The following RAB3C variants were observed in gnomAD, a reference collection of about 807,000 sequenced individuals.
The protein encoded by RAB3C is RAB3C, member RAS oncogene family, also known as ras-related protein Rab-3C.
In RAB3C, 17 loss-of-function variants were observed where a neutral mutation model predicts 26.4. The ratio of observed to expected loss-of-function variants is 0.64; its 90% CI spans 0.44 to 0.97. The LOEUF is 0.97. RAB3C is among the 50% of genes least tolerant of loss of function. The probability of loss-of-function intolerance (pLI) is 0.00; values close to 1 mark genes in which losing one functional copy is unlikely to be tolerated. For missense variants in RAB3C, 242 were observed against 281.9 expected, an observed-to-expected ratio of 0.86 and a Z score of 1.01; for synonymous variants, 91 against 95.9, an observed-to-expected ratio of 0.95 and a Z score of 0.30.
At chr5:58,817,549 A>G (rs1163918301) in intron 3 of RAB3C, among the ~76,000 whole-genome samples, 1 of 152,042 alleles carries the variant, frequency 6.6e-6, no homozygotes, top group Non-Finnish European at 1.5e-5. Flanking sequence ...TTTATTTTGT[A>G]TATGTCTTTG....
At chr5:58,807,578 G>A (rs964358911) in intron 3 of RAB3C, among the ~76,000 whole-genome samples, 1 of 152,148 alleles carries the variant, frequency 6.6e-6, no homozygotes, top group Non-Finnish European at 1.5e-5. Context: ...TTCCTGGTTT[G>A]CAGAGAAATG....
intron 2 of RAB3C, among the ~76,000 whole-genome samples, chr5:58,697,620 A>G (rs577261659): frequency 3.3e-5 from 5 of 152,300 alleles, no homozygotes; most frequent in Admixed American, 2.0e-4. Flanking sequence ...TATTGGGTGC[A>G]TATATATTTA....
rs1744273458 is a variant in RAB3C, at chr5:58,856,952, G to A, written c.*5601G>A. On this transcript the variant is annotated 3_prime_UTR_variant, in exon 5 of 5. Coordinates refer to ENST00000282878, the MANE Select transcript of RAB3C (RefSeq NM_138453.4). Reference sequence around the variant, plus strand: ...ATATTGTTAATGTCAGACGTGATGTGATACCGTTAGACTGTCCAAATGTAC... The same window carrying A: ...ATATTGTTAATGTCAGACGTGATGTAATACCGTTAGACTGTCCAAATGTAC... 1 of 152,182 alleles carries A rather than the reference G, an allele frequency of 6.6e-6. No individual in the cohort carries two copies. Among genetic ancestry groups the A allele is most frequent in the Admixed American group, 6.6e-5 (1 of 15,260 alleles). 9.4% of individuals were successfully genotyped at this position (152,182 alleles called of 1,614,324 possible). A position where few individuals can be genotyped will look rare whatever the true frequency, so the allele number is the denominator to read the frequency against.
At chr5:58,738,073 C>T (rs1052180899) in intron 3 of RAB3C, among the ~76,000 whole-genome samples, 3 of 152,090 alleles carry the variant, frequency 2.0e-5, no homozygotes, top group Non-Finnish European at 4.4e-5. Context: ...CTGAAAAGAA[C>T]GAAAGATGCC....
chr5:58,612,487 G>GGTGTGTGTGT (rs372157686), intron 1 of RAB3C, among the ~76,000 whole-genome samples: 9 of 113,034 alleles, frequency 8.0e-5, no homozygotes, highest in African/African-American at 2.4e-4. Context: ...TGTGTTCCTA[G>GGTGTGTGTGT]GTGTGTGTGT....
At chr5:58,727,986 T>G (rs919774321) in intron 3 of RAB3C, among the ~76,000 whole-genome samples, 9 of 151,992 alleles carry the variant, frequency 5.9e-5, no homozygotes, top group African/African-American at 1.9e-4. Flanking sequence ...CAGCTTAAAC[T>G]TTCCAACATT....
intron 2 of RAB3C, among the ~76,000 whole-genome samples, chr5:58,718,765 T>C (rs1749226306): frequency 6.6e-6 from 1 of 152,040 alleles, no homozygotes; most frequent in Non-Finnish European, 1.5e-5. Flanking sequence ...CAGATGCTTG[T>C]ATAACTGAAT....
At chr5:58,758,914 A>G (rs536883925) in intron 3 of RAB3C, among the ~76,000 whole-genome samples, 2 of 151,680 alleles carry the variant, frequency 1.3e-5, no homozygotes, top group Admixed American at 6.6e-5. Context: ...CAGCAGCCTC[A>G]TAACTAGGCA....
At chr5:58,709,805 A>G (rs997679317) in intron 2 of RAB3C, among the ~76,000 whole-genome samples, 1 of 152,228 alleles carries the variant, frequency 6.6e-6, no homozygotes, top group Non-Finnish European at 1.5e-5. Flanking sequence ...TTACTTTAAC[A>G]GCAATTGAAG....
intron 4 of RAB3C, among the ~76,000 whole-genome samples, chr5:58,830,168 C>T (rs1743581213): frequency 6.6e-6 from 1 of 152,064 alleles, no homozygotes; most frequent in Admixed American, 6.6e-5. Context: ...TAAATACTGG[C>T]TTAATTAAAC....
intron 4 of RAB3C, among the ~76,000 whole-genome samples, chr5:58,836,937 GT>G (rs1743761472): frequency 6.6e-6 from 1 of 152,078 alleles, no homozygotes; most frequent in Non-Finnish European, 1.5e-5. Flanking sequence ...TCTATTTCCA[GT>G]TTTTTTGAGA....
intron 2 of RAB3C, among the ~76,000 whole-genome samples, chr5:58,698,638 T>C (rs145446155): frequency 1.3e-5 from 2 of 152,180 alleles, no homozygotes; most frequent in South Asian, 2.1e-4. Flanking sequence ...TACTCTTTTT[T>C]CTCTAAACTT....
intron 3 of RAB3C, among the ~76,000 whole-genome samples, chr5:58,804,505 C>T (rs1742888462): frequency 1.3e-5 from 2 of 152,204 alleles, no homozygotes; most frequent in African/African-American, 4.8e-5. Flanking sequence ...TTCACAGTTG[C>T]TTTCTTACAC....
At chr5:58,583,778 T>C (rs1451790701) in intron 1 of RAB3C, among the ~76,000 whole-genome samples, 1 of 152,148 alleles carries the variant, frequency 6.6e-6, no homozygotes, top group Non-Finnish European at 1.5e-5. Context: ...GCTTGGCATA[T>C]CCCTGAGCTA....
chr5:58,685,905 T>C (rs1032302622), intron 2 of RAB3C, among the ~76,000 whole-genome samples: 1 of 152,174 alleles, frequency 6.6e-6, no homozygotes, highest in Non-Finnish European at 1.5e-5. Context: ...AATATGGCAG[T>C]AGCATAGAAT....
rs1335057877 is a variant in RAB3C, at chr5:58,624,731, G to C, written c.252+6861G>C. On this transcript the variant is annotated intron_variant, in intron 2 of 4. Coordinates refer to ENST00000282878, the MANE Select transcript of RAB3C (RefSeq NM_138453.4). ...ATGTACAGTGGAACATGCAGGCAAA[G>C]ATGTGTGAAGACAGTGGGATAAAGA... Among the ~76,000 whole-genome samples the C allele has an allele frequency of 2.0e-5, 3 of 152,166 alleles. No individual in the cohort carries two copies. In the East Asian group the frequency reaches 5.8e-4, roughly 29 times the overall value.
At chr5:58,710,878 A>G (rs1055115466) in intron 2 of RAB3C, among the ~76,000 whole-genome samples, 1 of 151,872 alleles carries the variant, frequency 6.6e-6, no homozygotes, top group Non-Finnish European at 1.5e-5. Context: ...CTTTCTATCT[A>G]TTTTAGGGAG....
At chr5:58,734,406 G>T (rs907421328) in intron 3 of RAB3C, among the ~76,000 whole-genome samples, 3 of 152,030 alleles carry the variant, frequency 2.0e-5, no homozygotes, top group African/African-American at 7.2e-5. Context: ...GCTCAGAGGG[G>T]GCAGTGGTGG....
At chr5:58,651,562 T>G (rs1373730460) in intron 2 of RAB3C, among the ~76,000 whole-genome samples, 1 of 152,258 alleles carries the variant, frequency 6.6e-6, no homozygotes, top group Non-Finnish European at 1.5e-5. Context: ...ATATAATTTA[T>G]TATGTATGCA....
Sources: gnomAD v4.1 joint callset for allele counts (sites outside exome capture counted in the v4.1 genomes callset) on GRCh38, gnomAD v4.1.1 for gene constraint, MANE v1.5 for transcripts, NCBI Gene and HGNC (gene_info 2026-07-23, HGNC 2026-07-21) for gene names.